PCCA: variants seen among roughly 807,000 people sequenced by gnomAD.
PCCA encodes propionyl-CoA carboxylase alpha chain, mitochondrial.
In PCCA, 74 loss-of-function variants were observed where a neutral mutation model predicts 101.3. The ratio of observed to expected loss-of-function variants is 0.73; its 90% confidence interval spans 0.61 to 0.89. The LOEUF (loss-of-function observed/expected upper bound fraction) is 0.89. PCCA is among the 40% of genes least tolerant of loss of function. PCCA has a pLI of 0.00. For missense variants in PCCA, 891 were observed against 907.0 expected, an observed-to-expected ratio of 0.98 and a Z score of 0.23; for synonymous variants, 294 against 313.6, an observed-to-expected ratio of 0.94 and a Z score of 0.66.
chr13:100,426,529 T>G (rs2079158130), intron 20 of PCCA, among the ~76,000 whole-genome samples: 1 of 152,172 alleles, frequency 6.6e-6, no homozygotes, highest in Non-Finnish European at 1.5e-5. Flanking sequence ...AATCACAGAT[T>G]AAGACTACTT....
intron 7 of PCCA, among the ~76,000 whole-genome samples, chr13:100,235,332 A>G (rs549409028): frequency 1.7e-3 from 254 of 151,914 alleles, no homozygotes; most frequent in Non-Finnish European, 3.0e-3. Flanking sequence ...GCAGATTACC[A>G]AAAGGATTTT....
chr13:100,504,004 T>C (rs1348004313), intron 21 of PCCA, among the ~76,000 whole-genome samples: 1 of 152,228 alleles, frequency 6.6e-6, no homozygotes, highest in Non-Finnish European at 1.5e-5. Context: ...GTAAAAGATA[T>C]ACAATAAAAA....
intron 4 of PCCA, among the ~76,000 whole-genome samples, chr13:100,121,132 GT>G (rs34567478): frequency 0.3 from 40,695 of 134,576 alleles, 6,692 homozygotes; most frequent in East Asian, 0.7. Flanking sequence ...AGTTCTAATA[GT>G]TTTTTAGTGG....
At chr13:100,341,404 GT>G (rs1160830693) in intron 18 of PCCA, among the ~76,000 whole-genome samples, 3 of 152,242 alleles carry the variant, frequency 2.0e-5, no homozygotes, top group Admixed American at 6.5e-5. Flanking sequence ...TTGTTTGGTT[GT>G]TTCCCCCCCA....
intron 4 of PCCA, chr13:100,150,625 G>T: frequency 3.2e-6 from 4 of 1,235,058 alleles, no homozygotes; most frequent in South Asian, 2.4e-5. Flanking sequence ...ATCTCCCTGT[G>T]CTGTGGACTG....
chr13:100,409,194 G>T (rs1167766481), intron 19 of PCCA, among the ~76,000 whole-genome samples: 1 of 152,156 alleles, frequency 6.6e-6, no homozygotes, highest in African/African-American at 2.4e-5. Context: ...GGAGCAGCAG[G>T]CGGTGGGGGC....
chr13:100,296,522 G>A (rs930922609), intron 12 of PCCA, among the ~76,000 whole-genome samples: 1 of 151,906 alleles, frequency 6.6e-6, no homozygotes, highest in East Asian at 1.9e-4. Context: ...AGAGTTCTGG[G>A]ATTATAGGGG....
At chr13:100,457,222 C>G (rs2081807832) in intron 21 of PCCA, among the ~76,000 whole-genome samples, 1 of 152,124 alleles carries the variant, frequency 6.6e-6, no homozygotes, top group African/African-American at 2.4e-5. Flanking sequence ...TGTATTATGA[C>G]TATTCTTATT....
chr13:100,452,105 TTCTC>T (rs1421425352), intron 21 of PCCA, among the ~76,000 whole-genome samples: 11 of 62,808 alleles, frequency 1.8e-4, no homozygotes, highest in African/African-American at 6.0e-4. Flanking sequence ...TCCTCTTCCT[TTCTC>T]TCTCTCCTCT....
chr13:100,265,621 G>A (rs577808492), intron 10 of PCCA, among the ~76,000 whole-genome samples: 1 of 152,194 alleles, frequency 6.6e-6, no homozygotes, highest in South Asian at 2.1e-4. Context: ...CACCCCATCT[G>A]ATGGGAGATT....
At chr13:100,357,884 T>C (rs899480246) in intron 18 of PCCA, among the ~76,000 whole-genome samples, 5 of 152,186 alleles carry the variant, frequency 3.3e-5, no homozygotes, top group African/African-American at 1.2e-4. Flanking sequence ...AAGAGTTCCA[T>C]ATGTGAATTC....
intron 18 of PCCA, among the ~76,000 whole-genome samples, chr13:100,357,696 T>G (rs955030842): frequency 6.6e-6 from 1 of 152,192 alleles, no homozygotes; most frequent in African/African-American, 2.4e-5. Context: ...AGAAGAAAAC[T>G]ACACCAGTGA....
Position 100,458,361 on chromosome 13 carries a change from T to TACACACACAC in PCCA, c.1899+9073_1899+9082dup, listed in dbSNP as rs58649291. Among the ~76,000 whole-genome samples the TACACACACAC allele has an allele frequency of 1.3e-3, 129 of 101,426 alleles. 5 individuals are homozygous for TACACACACAC. The highest frequency in any genetic ancestry group is 3.3e-3 in the South Asian group (8 of 2,444). The allele number at this position is 101,426 out of a possible 152,430, so 66.5% of individuals were successfully genotyped here. On this transcript the variant is annotated intron_variant, in intron 21 of 23. Coordinates refer to ENST00000376285, the MANE Select transcript of PCCA (RefSeq NM_000282.4). ...CACACACACAGTGGGACCCCATCTC[T>TACACACACAC]ACACACACACACACACACACACACA...
At chr13:100,228,696 G>A (rs968612327) in intron 7 of PCCA, among the ~76,000 whole-genome samples, 2 of 151,812 alleles carry the variant, frequency 1.3e-5, no homozygotes, top group African/African-American at 2.4e-5. Flanking sequence ...TCAGGAGTTC[G>A]AAACCAGCCT....
At chr13:100,515,143 C>G (rs1350281257) in intron 21 of PCCA, among the ~76,000 whole-genome samples, 1 of 152,124 alleles carries the variant, frequency 6.6e-6, no homozygotes, top group Non-Finnish European at 1.5e-5. Context: ...TCTCAGTTTT[C>G]TTTATAACGT....
chr13:100,241,823 T>C (rs2061156204), intron 8 of PCCA, among the ~76,000 whole-genome samples: 1 of 152,234 alleles, frequency 6.6e-6, no homozygotes, highest in African/African-American at 2.4e-5. Context: ...TTGGCTATTG[T>C]AAATGGTACT....
intron 21 of PCCA, among the ~76,000 whole-genome samples, chr13:100,510,408 G>T (rs2086392511): frequency 6.6e-6 from 1 of 152,190 alleles, no homozygotes; most frequent in Admixed American, 6.5e-5. Flanking sequence ...CCCAGTCATT[G>T]CTTTCTCTGC....
At chr13:100,260,499 C>T (rs188364283) in intron 9 of PCCA, among the ~76,000 whole-genome samples, 2 of 151,050 alleles carry the variant, frequency 1.3e-5, no homozygotes, top group Admixed American at 6.6e-5. Context: ...TGGGTTCAAG[C>T]GATTCTCCTG....
intron 21 of PCCA, chr13:100,491,686 T>G: frequency 1.5e-6 from 2 of 1,304,138 alleles, no homozygotes; most frequent in Non-Finnish European, 2.0e-6. Context: ...GTGAGAAGCT[T>G]GGCAGAAGGT....
Sources: gnomAD v4.1 joint callset for allele counts (sites outside exome capture counted in the v4.1 genomes callset) on GRCh38, gnomAD v4.1.1 for gene constraint, MANE v1.5 for transcripts, NCBI Gene and HGNC (gene_info 2026-07-23, HGNC 2026-07-21) for gene names.